The following COL25A1 variants were observed in gnomAD, a reference collection of about 807,000 sequenced individuals.
COL25A1 encodes collagen alpha-1(XXV) chain.
A neutral mutation model predicts 128.4 loss-of-function variants in COL25A1; 103 were observed. That is an observed-to-expected ratio of 0.80 (90% confidence interval 0.68 to 0.94). The LOEUF is 0.94. Among genes scored for constraint, COL25A1 ranks in the 40% least tolerant of loss-of-function variants. The pLI, the probability that COL25A1 is intolerant of heterozygous loss-of-function variation, is 0.00. For synonymous variants in COL25A1, 279 were observed against 277.2 expected, an observed-to-expected ratio of 1.01 and a Z score of -0.06; for missense variants, 745 against 840.0, an observed-to-expected ratio of 0.89 and a Z score of 1.40.
chr4:108,837,252 TC>T (rs1274381040), intron 31 of COL25A1, among the ~76,000 whole-genome samples: 2 of 152,182 alleles, frequency 1.3e-5, no homozygotes, highest in South Asian at 4.1e-4. Flanking sequence ...AGCTTTTTTT[TC>T]CTCCCACATT....
chr4:108,884,185 C>T lies in COL25A1; in HGVS notation c.1013G>A (p.Gly338Glu). 3 of 1,613,674 alleles carry T rather than the reference C, an allele frequency of 1.9e-6. No homozygotes were observed. The highest frequency in any genetic ancestry group is 2.5e-6 in the Non-Finnish European group (3 of 1,179,774). ...TGTCCGTGCAGTATTTACCTTTATC[C>T]CCGGAAGTCCAGGAAGCCCAGGAAG... ...PGLPGLPGLPGIKGEPGFIGP... is the reference protein window; with the variant it reads ...PGLPGLPGLPEIKGEPGFIGP... The change falls in exon 19 of 38, where the codon GGG (glycine) becomes GAG (glutamate). Residue 338 changes from glycine to glutamate, a missense_variant. Around this residue, in one of 3 missense-constraint regions of COL25A1, gnomAD observed 387 missense variants for 441.9 expected, o/e 0.88. Transcript: ENST00000399132.
intron 3 of COL25A1, among the ~76,000 whole-genome samples, chr4:109,140,034 G>A (rs1364308372): frequency 1.3e-5 from 2 of 152,130 alleles, no homozygotes; most frequent in African/African-American, 4.8e-5. Flanking sequence ...AGTATTCCAT[G>A]GTGTATATGT....
At chr4:108,911,590 A>G (rs1183098706) in intron 13 of COL25A1, among the ~76,000 whole-genome samples, 1 of 152,202 alleles carries the variant, frequency 6.6e-6, no homozygotes, top group Non-Finnish European at 1.5e-5. Context: ...TATTTGTTCA[A>G]TGAATGACTG....
In COL25A1 at chr4:108,991,476, A is replaced by G. The variant is rs570361598; in HGVS notation, c.439-16917T>C. The stretch of plus-strand genomic sequence containing the variant: ...ATCATATTAACCATCTGCTTCATAA[A>G]ACATCAAAAATTCTAATATATTAAG... On this transcript the variant is annotated intron_variant, in intron 6 of 37. Transcript: ENST00000399132. Among the ~76,000 whole-genome samples the G allele has an allele frequency of 2.3e-4, 35 of 152,280 alleles. 1 individual carries two copies. In the South Asian group the frequency reaches 7.2e-3, roughly 32 times the overall value.
In COL25A1 at chr4:108,912,106, T is replaced by C. The variant is rs573143132; in HGVS notation, c.780+6066A>G. Among the ~76,000 whole-genome samples, 7 of 152,312 alleles carry C rather than the reference T, an allele frequency of 4.6e-5. No individual in the cohort carries two copies. The East Asian group carries it at 7.7e-4, about 17-fold the overall frequency. The stretch of plus-strand genomic sequence containing the variant: ...TTACATGAAGAAAAGAAATATCTTG[T>C]GTTCTGCTTAACAAGTAAAATTGAG... On this transcript the variant is annotated intron_variant, in intron 13 of 37. Transcript: ENST00000399132.
chr4:109,005,393 G>A (rs1755866338), intron 6 of COL25A1, among the ~76,000 whole-genome samples: 1 of 152,294 alleles, frequency 6.6e-6, no homozygotes, highest in African/African-American at 2.4e-5. Context: ...ATTCACATGA[G>A]ATTGAGTGGG....
chr4:109,200,030 C>T (rs1464896029), intron 3 of COL25A1, among the ~76,000 whole-genome samples: 3 of 152,204 alleles, frequency 2.0e-5, no homozygotes, highest in South Asian at 2.1e-4. Context: ...CTAACTGACA[C>T]ACACCTTCTA....
At chr4:109,152,825 T>C (rs1043991335) in intron 3 of COL25A1, among the ~76,000 whole-genome samples, 1 of 152,046 alleles carries the variant, frequency 6.6e-6, no homozygotes, top group Non-Finnish European at 1.5e-5. Flanking sequence ...GTAAAATTCA[T>C]ACAGACAGAA....
chr4:109,173,615 A>T (rs1244372592), intron 3 of COL25A1, among the ~76,000 whole-genome samples: 1 of 152,162 alleles, frequency 6.6e-6, no homozygotes, highest in Non-Finnish European at 1.5e-5. Context: ...GGCAAATCTG[A>T]ACTGGCAATA....
intron 11 of COL25A1, 146 bp downstream of exon 11, chr4:108,937,662 A>G (rs545964259): frequency 1.2e-5 from 7 of 579,256 alleles, no homozygotes; most frequent in East Asian, 9.2e-5. Context: ...ATTAGCATGT[A>G]GTAGGCCATA....
chr4:109,037,910 G>T (rs372458697), intron 5 of COL25A1, among the ~76,000 whole-genome samples: 24 of 152,102 alleles, frequency 1.6e-4, no homozygotes, highest in East Asian at 9.6e-4. Context: ...AATCAGACAT[G>T]CATATTTACA....
intron 3 of COL25A1, among the ~76,000 whole-genome samples, chr4:109,234,232 C>T (rs1031185839): frequency 2.0e-5 from 3 of 152,086 alleles, no homozygotes; most frequent in Non-Finnish European, 2.9e-5. Context: ...AAGGCTTGGG[C>T]AAGAATTCTC....
At chr4:108,912,293 G>C (rs939426852) in intron 13 of COL25A1, among the ~76,000 whole-genome samples, 6 of 152,152 alleles carry the variant, frequency 3.9e-5, no homozygotes, top group South Asian at 4.2e-4. Context: ...TCTTATTATA[G>C]TTACTAGAGG....
At chr4:109,014,357 G>T (rs1483118945) in intron 5 of COL25A1, among the ~76,000 whole-genome samples, 1 of 151,836 alleles carries the variant, frequency 6.6e-6, no homozygotes, top group Admixed American at 6.6e-5. Context: ...AGAATATATT[G>T]CATCTCTTAT....
chr4:109,014,377 G>A (rs1757009213), intron 5 of COL25A1, among the ~76,000 whole-genome samples: 1 of 151,984 alleles, frequency 6.6e-6, no homozygotes, highest in Non-Finnish European at 1.5e-5. Context: ...TATGTGTTAT[G>A]TGAAAGTTAA....
Position 108,862,422 on chromosome 4 carries a change from A to G in COL25A1, c.1197+79T>C, listed in dbSNP as rs2125793648. ...AAGAGTTTAATCTAAAACATGAAAA[A>G]CATGCCTCTGTGGCAAAGGCAAAAA... On this transcript the variant is annotated intron_variant, in intron 22 of 37. Coordinates refer to ENST00000399132, the MANE Select transcript of COL25A1 (RefSeq NM_198721.4). The G allele has an allele frequency of 4.8e-6, 5 of 1,047,190 alleles. No individual in the cohort carries two copies. The South Asian group carries it at 6.4e-5, about 13-fold the overall frequency. 64.9% of individuals were successfully genotyped at this position (1,047,190 alleles called of 1,614,324 possible).
chr4:108,850,499 A>C (rs913150815), intron 26 of COL25A1, among the ~76,000 whole-genome samples: 4 of 152,082 alleles, frequency 2.6e-5, no homozygotes, highest in African/African-American at 9.7e-5. Flanking sequence ...GCATACTGGG[A>C]AGGATGGCAA....
At chr4:109,178,821 C>G (rs980361521) in intron 3 of COL25A1, among the ~76,000 whole-genome samples, 2 of 103,234 alleles carry the variant, frequency 1.9e-5, no homozygotes, top group African/African-American at 3.9e-5. Context: ...GGCAACAGAG[C>G]AAGACTCCAT....
chr4:108,895,250 C>T (rs914124603), intron 16 of COL25A1, among the ~76,000 whole-genome samples: 1 of 152,114 alleles, frequency 6.6e-6, no homozygotes, highest in African/African-American at 2.4e-5. Flanking sequence ...GTTTTTATGA[C>T]TAACCATTAT....
Sources: allele counts gnomAD v4.1 joint callset (sites outside exome capture counted in the v4.1 genomes callset), GRCh38; gene constraint gnomAD v4.1.1; regional missense constraint gnomAD v4.1.1; transcripts MANE v1.5; gene names NCBI Gene and HGNC (gene_info 2026-07-23, HGNC 2026-07-21).